The following WDR70 variants were observed in gnomAD, a reference collection of about 807,000 sequenced individuals.
WDR70 encodes the protein WD repeat domain 70.
WDR70 carries 53 observed loss-of-function variants against 88.6 expected under a neutral mutation model. The observed-to-expected ratio is 0.60, with a 90% CI of 0.48 to 0.75. WDR70 has a LOEUF of 0.75. Among genes scored for constraint, WDR70 ranks in the 30% least tolerant of loss-of-function variants. WDR70 has a pLI of 0.00. For synonymous variants in WDR70, 280 were observed against 270.0 expected (o/e 1.04, Z -0.36); for missense variants, 610 against 823.2 (o/e 0.74, Z 3.17).
At chr5:37,480,504 G>A (rs766420269) in intron 8 of WDR70, among the ~76,000 whole-genome samples, 9 of 152,198 alleles carry the variant, frequency 5.9e-5, no homozygotes, top group Non-Finnish European at 1.2e-4. Context: ...GTGCAAAGTC[G>A]TGTCTTACAT....
chr5:37,396,380 C>G lies in WDR70; in HGVS notation c.302C>G (p.Thr101Arg). Residue 101 changes from threonine (T) to arginine (R), a missense_variant, in exon 5 of 18, where the codon ACG becomes AGG. Thr to Arg is a moderately conservative substitution (Grantham distance 71). This residue lies in a region of WDR70 where 203 missense variants were observed against 228.1 expected (regional missense o/e 0.89). Coordinates refer to ENST00000265107, the MANE Select transcript of WDR70 (RefSeq NM_018034.4). ...TTCTGTTTCTGTATTTTCAGGGATA[C>G]GAGCAGCAGTGAAAGTGAACAGAGT... ...RDCSKSSSRDTSSSESEQSSD... is the reference protein window; with the variant it reads ...RDCSKSSSRDRSSSESEQSSD... The G allele has an allele frequency of 1.9e-6, 3 of 1,603,254 alleles. No individual in the cohort carries two copies. The highest frequency in any genetic ancestry group is 2.6e-6 in the Non-Finnish European group (3 of 1,174,836).
At chr5:37,501,976 G>A (rs1011238052) in intron 8 of WDR70, among the ~76,000 whole-genome samples, 3 of 152,094 alleles carry the variant, frequency 2.0e-5, no homozygotes, top group African/African-American at 7.2e-5. Flanking sequence ...GAAAAATGAT[G>A]TTGGTATTTT....
At chr5:37,713,463 A>G (rs1431123035) in intron 13 of WDR70, among the ~76,000 whole-genome samples, 2 of 152,098 alleles carry the variant, frequency 1.3e-5, no homozygotes, top group East Asian at 3.8e-4. Context: ...TTCTCTACAC[A>G]AAAGTTTGAT....
At chr5:37,728,230 C>A (rs1748042349) in intron 17 of WDR70, among the ~76,000 whole-genome samples, 1 of 151,698 alleles carries the variant, frequency 6.6e-6, no homozygotes, top group Non-Finnish European at 1.5e-5. Flanking sequence ...CACCTGTAAT[C>A]CCAGCTACTA....
intron 9 of WDR70, among the ~76,000 whole-genome samples, chr5:37,551,786 T>G (rs1336119692): frequency 5.4e-5 from 8 of 146,918 alleles, no homozygotes; most frequent in African/African-American, 1.8e-4. Flanking sequence ...TTTTTTTTTT[T>G]TTTTGAGACG....
chr5:37,625,889 A>G (rs1314518012), intron 10 of WDR70, among the ~76,000 whole-genome samples: 1 of 151,942 alleles, frequency 6.6e-6, no homozygotes, highest in Non-Finnish European at 1.5e-5. Context: ...TATTCTGGAT[A>G]TTAATCCCCT....
At chr5:37,554,816 C>T (rs1357202352) in intron 9 of WDR70, among the ~76,000 whole-genome samples, 1 of 152,074 alleles carries the variant, frequency 6.6e-6, no homozygotes, top group Non-Finnish European at 1.5e-5. Flanking sequence ...ACATGACCCT[C>T]CTGCCTCAGC....
intron 13 of WDR70, among the ~76,000 whole-genome samples, chr5:37,714,629 C>T (rs1456518567): frequency 6.6e-6 from 1 of 152,188 alleles, no homozygotes; most frequent in Admixed American, 6.5e-5. Context: ...GGAAGCTCTG[C>T]TGCATCTAAG....
intron 10 of WDR70, among the ~76,000 whole-genome samples, chr5:37,646,635 A>G (rs1324752265): frequency 1.3e-5 from 2 of 152,076 alleles, no homozygotes; most frequent in Non-Finnish European, 2.9e-5. Flanking sequence ...CACTGTCCAT[A>G]CTATTCTAGG....
At chr5:37,505,390 C>T (rs1740528991) in intron 8 of WDR70, among the ~76,000 whole-genome samples, 1 of 152,108 alleles carries the variant, frequency 6.6e-6, no homozygotes, top group South Asian at 2.1e-4. Context: ...ATTGCTTGGT[C>T]TGGTATTGAG....
At chr5:37,725,782 T>C (rs960894056) in intron 16 of WDR70, among the ~76,000 whole-genome samples, 3 of 152,084 alleles carry the variant, frequency 2.0e-5, no homozygotes, top group African/African-American at 7.2e-5. Context: ...TCACTCCCTT[T>C]CTCCCACCTC....
chr5:37,747,574 C>T (rs992997799), intron 17 of WDR70, among the ~76,000 whole-genome samples: 1 of 152,138 alleles, frequency 6.6e-6, no homozygotes, highest in Admixed American at 6.5e-5. Flanking sequence ...GAAAGCATTC[C>T]CTTTGAAAAC....
rs2112476750 is a variant in WDR70, at chr5:37,605,373, T to G, written c.1092+135T>G. 5.6e-6 allele frequency: 5 copies of G among 897,456 alleles called. No individual in the cohort carries two copies. In the South Asian group the frequency reaches 1.7e-4, roughly 31 times the overall value. 55.6% of individuals were successfully genotyped at this position (897,456 alleles called of 1,614,324 possible). A position where few individuals can be genotyped will look rare whatever the true frequency, so the allele number is the denominator to read the frequency against. On this transcript the variant is annotated intron_variant, in intron 10 of 17. Transcript: ENST00000265107. ...TTAGACCTAATTTAAACTTCAGTGT[T>G]AGGTGATCAAACGTTGAGACTTTTG...
intron 7 of WDR70, among the ~76,000 whole-genome samples, chr5:37,462,294 C>CTTAA (rs1054953322): frequency 1.6e-4 from 24 of 151,838 alleles, no homozygotes; most frequent in African/African-American, 3.4e-4. Flanking sequence ...TTTGCAAGTC[C>CTTAA]TTAATTAATT....
intron 4 of WDR70, among the ~76,000 whole-genome samples, chr5:37,393,434 T>C (rs943068412): frequency 5.9e-5 from 9 of 152,244 alleles, no homozygotes; most frequent in Admixed American, 2.6e-4. Flanking sequence ...ATTCTTTGCC[T>C]AGTTCCTTGA....
intron 17 of WDR70, among the ~76,000 whole-genome samples, chr5:37,728,959 T>A (rs1462238280): frequency 2.0e-5 from 3 of 152,164 alleles, no homozygotes; most frequent in Non-Finnish European, 4.4e-5. Flanking sequence ...CACATTTTTT[T>A]ATTTTTCAAG....
chr5:37,751,295 C>T (rs890403655), intron 17 of WDR70, among the ~76,000 whole-genome samples: 1 of 152,216 alleles, frequency 6.6e-6, no homozygotes, highest in African/African-American at 2.4e-5. Context: ...AATTTAAGAG[C>T]TGTGACCTGT....
intron 10 of WDR70, among the ~76,000 whole-genome samples, chr5:37,638,206 A>G (rs761370073): frequency 2.6e-5 from 4 of 152,218 alleles, no homozygotes; most frequent in Non-Finnish European, 5.9e-5. Flanking sequence ...TTTAGATATT[A>G]TTCCATTAAA....
At chr5:37,552,406 A>G (rs1411641474) in intron 9 of WDR70, among the ~76,000 whole-genome samples, 1 of 152,198 alleles carries the variant, frequency 6.6e-6, no homozygotes, top group African/African-American at 2.4e-5. Context: ...AGACTACATT[A>G]ATTTAATCCT....
Sources: allele counts gnomAD v4.1 joint callset (sites outside exome capture counted in the v4.1 genomes callset), GRCh38; gene constraint gnomAD v4.1.1; regional missense constraint gnomAD v4.1.1; transcripts MANE v1.5; gene names NCBI Gene and HGNC (gene_info 2026-07-23, HGNC 2026-07-21).